The following ANK1 variants were observed in gnomAD, a reference collection of about 807,000 sequenced individuals.
ANK1 encodes the protein ankyrin-1.
ANK1 carries 51 observed loss-of-function variants against 210.4 expected under a neutral mutation model. That is an observed-to-expected ratio of 0.24 (90% confidence interval 0.19 to 0.31). ANK1 has a LOEUF of 0.31. Ranked by LOEUF, ANK1 falls within the 10% of genes least tolerant of loss-of-function variation. The probability of loss-of-function intolerance (pLI) is 1.00; values close to 1 mark genes in which losing one functional copy is unlikely to be tolerated. For synonymous variants in ANK1, 967 were observed against 1,025.9 expected, an observed-to-expected ratio of 0.94 and a Z score of 1.10; for missense variants, 2,051 against 2,504.4, an observed-to-expected ratio of 0.82 and a Z score of 3.86.
At chr8:41,896,236 C>G in intron 1 of ANK1, 1 of 1,343,148 alleles carries the variant, frequency 7.4e-7, no homozygotes, top group South Asian at 1.7e-5. Flanking sequence ...GCTCGGGTGC[C>G]GCCAACTCCG....
At chr8:41,789,491 G>T (rs1245623688) in intron 1 of ANK1, among the ~76,000 whole-genome samples, 1 of 152,212 alleles carries the variant, frequency 6.6e-6, no homozygotes, top group Non-Finnish European at 1.5e-5. Context: ...TGGAGGTCAG[G>T]CACTCTGGCT....
At chr8:41,699,618 C>A in intron 22 of ANK1, 70 bp from the exon 23 acceptor site, 1 of 1,442,736 alleles carries the variant, frequency 6.9e-7, no homozygotes, top group East Asian at 2.3e-5. Context: ...TAAAAAAGCT[C>A]TGTTCCCGCT....
intron 5 of ANK1, 48 bp from the exon 6 acceptor site, chr8:41,725,994 C>A: frequency 6.3e-7 from 1 of 1,593,196 alleles, no homozygotes; most frequent in East Asian, 2.3e-5. Context: ...TGACGCCAGC[C>A]GCCCTTCACA....
chr8:41,894,830 C>T lies in ANK1; in HGVS notation c.126+1525G>A, dbSNP rs192846270. On this transcript the variant is annotated intron_variant, in intron 1 of 42. Coordinates refer to the ANK1 transcript ENST00000265709. ...AGACGGGCTCTGGTATTTTAGACCC[C>T]AGCAGAGGGACCTGCGGAGATTCTC... 7.6e-4 allele frequency among the ~76,000 whole-genome samples: 116 copies of T among 151,990 alleles called. 1 individual carries two copies. The Middle Eastern group carries it at 0.024, about 31-fold the overall frequency.
intron 1 of ANK1, among the ~76,000 whole-genome samples, chr8:41,772,453 G>C (rs116898928): frequency 9.9e-5 from 15 of 151,908 alleles, no homozygotes; most frequent in Non-Finnish European, 2.2e-4. Flanking sequence ...ATTTCTTCTC[G>C]ACTAAAGCTT....
At chr8:41,876,351 G>A (rs1241619573) in intron 1 of ANK1, among the ~76,000 whole-genome samples, 1 of 152,190 alleles carries the variant, frequency 6.6e-6, no homozygotes, top group Non-Finnish European at 1.5e-5. Context: ...TTCTCTGGCC[G>A]CGACTCAGCA....
At chr8:41,766,663 T>G (rs1033327031) in intron 1 of ANK1, among the ~76,000 whole-genome samples, 2 of 152,142 alleles carry the variant, frequency 1.3e-5, no homozygotes, top group African/African-American at 2.4e-5. Context: ...CTGGCTGAGA[T>G]GCACTGCTCG....
chr8:41,695,235 C>T lies in ANK1; in HGVS notation c.3057G>A (p.Glu1019=), dbSNP rs1293628790. ...LRSENGSVWK[E]HRSRYGESYL... is the part of the protein sequence containing the mutation. ...AGCTCTCTCCATAGCGGCTCCTGTG[C>T]TCCTTCCACACGGAGCCGTTTTCGC... Residue 1019 remains glutamate, a synonymous_variant, in exon 27 of 43, where the codon GAG becomes GAA. Transcript: ENST00000289734. 6 of 1,614,140 alleles carry T rather than the reference C, an allele frequency of 3.7e-6. No homozygotes were observed. The East Asian group carries it at 8.9e-5, about 24-fold the overall frequency.
chr8:41,786,443 T>C (rs1846417855), intron 1 of ANK1, among the ~76,000 whole-genome samples: 1 of 152,208 alleles, frequency 6.6e-6, no homozygotes, highest in Admixed American at 6.5e-5. Flanking sequence ...AAAGCAAAGA[T>C]CTTTCAACAA....
Position 41,688,529 on chromosome 8 carries a change from G to A in ANK1, c.4165C>T (p.Leu1389Phe), listed in dbSNP as rs1204896407. 1.2e-6 allele frequency: 2 copies of A among 1,614,070 alleles called. No individual in the cohort carries two copies. Among genetic ancestry groups the A allele is most frequent in the Non-Finnish European group, 1.7e-6 (2 of 1,180,026 alleles). The change falls in exon 34 of 43, where the codon CTC becomes TTC. Residue 1389 changes from leucine to phenylalanine, a missense_variant. Coordinates refer to ENST00000289734, the MANE Select transcript of ANK1 (RefSeq NM_000037.4). ...GCCGTACCTGGTGTGGACTCACTGA[G>A]AATGCTGTATCGCAGGGCCAGGGGC... ...PTPLALRYSILSESTPGSLSG... is the reference protein window; with the variant it reads ...PTPLALRYSIFSESTPGSLSG...
intron 17 of ANK1, among the ~76,000 whole-genome samples, chr8:41,706,486 T>C (rs1179753681): frequency 6.6e-6 from 1 of 152,252 alleles, no homozygotes; most frequent in African/African-American, 2.4e-5. Context: ...TGGCCATGTC[T>C]CTATATGACT....
chr8:41,655,654 A>G lies in ANK1; in HGVS notation c.*136T>C, dbSNP rs1805393936. On this transcript the variant is annotated 3_prime_UTR_variant, in exon 43 of 43. Coordinates refer to ENST00000289734, the MANE Select transcript of ANK1 (RefSeq NM_000037.4). ...TACAGAGGTCATGCCGTCAGCCCAG[A>G]GGAATGTGTGCACCGCTGCGGTGGC... 6.4e-6 allele frequency: 10 copies of G among 1,555,712 alleles called. No individual in the cohort carries two copies. The highest frequency in any genetic ancestry group is 1.4e-5 in the African/African-American group (1 of 73,746).
chr8:41,694,574 G>A lies in ANK1; in HGVS notation c.3327+18C>T, dbSNP rs535819604. 5.3e-5 allele frequency: 85 copies of A among 1,609,686 alleles called. No homozygotes were observed. Among genetic ancestry groups the A allele is most frequent in the African/African-American group, 1.2e-4 (9 of 74,826 alleles). On this transcript the variant is annotated intron_variant, in intron 28 of 42. Coordinates refer to ENST00000289734, the MANE Select transcript of ANK1 (RefSeq NM_000037.4). The surrounding 1 kb of genome is among the most constrained non-coding windows in gnomAD (Gnocchi z 5.7). ...GTTCAGTCCACCCCCAGGACCTGGC[G>A]GGGAGGAGGGCTGTCACCTGCAGAG... is the stretch of plus-strand genomic sequence containing the variant.
chr8:41,798,341 A>G (rs1276337191), upstream of ANK1, among the ~76,000 whole-genome samples: 1 of 152,050 alleles, frequency 6.6e-6, no homozygotes, highest in Non-Finnish European at 1.5e-5. Context: ...AATCTTAATA[A>G]CACCAGGGCC....
intron 9 of ANK1, among the ~76,000 whole-genome samples, chr8:41,722,050 G>T (rs899629515): frequency 6.6e-6 from 1 of 152,186 alleles, no homozygotes; most frequent in Non-Finnish European, 1.5e-5. Flanking sequence ...TAGCTGAGGA[G>T]TTTTACTTTT....
intron 1 of ANK1, among the ~76,000 whole-genome samples, chr8:41,761,836 G>T (rs553171422): frequency 6.6e-6 from 1 of 152,160 alleles, no homozygotes; most frequent in East Asian, 1.9e-4. Flanking sequence ...CCAGACAGGG[G>T]GTCCTCCCTC....
At chr8:41,770,744 G>T (rs879371962) in intron 1 of ANK1, among the ~76,000 whole-genome samples, 2 of 152,216 alleles carry the variant, frequency 1.3e-5, no homozygotes, top group Non-Finnish European at 2.9e-5. Context: ...GGCCCAAGAG[G>T]AGGAGAAAGA....
At chr8:41,801,079 G>A (rs1849790766), upstream of ANK1, among the ~76,000 whole-genome samples, 2 of 152,142 alleles carry the variant, frequency 1.3e-5, no homozygotes, top group South Asian at 4.1e-4. Context: ...TTTCACTGCT[G>A]TGTGATATCC....
chr8:41,857,005 A>G (rs1812312281), intron 1 of ANK1, among the ~76,000 whole-genome samples: 1 of 150,380 alleles, frequency 6.6e-6, no homozygotes, highest in African/African-American at 2.5e-5. Flanking sequence ...CAGTCTCCCA[A>G]GTAGCTGGTA....
Sources: gnomAD v4.1 joint callset for allele counts (sites outside exome capture counted in the v4.1 genomes callset) on GRCh38, gnomAD v4.1.1 for gene constraint, Gnocchi (gnomAD v3.1) non-coding constraint, MANE v1.5 for transcripts, NCBI Gene and HGNC (gene_info 2026-07-23, HGNC 2026-07-21) for gene names.